CLEC12A: variants seen among roughly 807,000 people sequenced by gnomAD.
CLEC12A encodes the protein C-type lectin domain family 12 member A.
A neutral mutation model predicts 26.5 loss-of-function variants in CLEC12A; 22 were observed. The observed-to-expected ratio is 0.83, with a 90% CI of 0.59 to 1.19. CLEC12A has a LOEUF of 1.19. CLEC12A is among the 50% of genes most tolerant of loss of function. The probability of loss-of-function intolerance (pLI) is 0.00; values close to 1 mark genes in which losing one functional copy is unlikely to be tolerated. For missense variants in CLEC12A, 353 were observed against 315.6 expected, an observed-to-expected ratio of 1.12 and a Z score of -0.90; for synonymous variants, 119 against 101.9, an observed-to-expected ratio of 1.17 and a Z score of -1.01.
At chr12:9,989,049 T>C (rs1029921364), downstream of CLEC12A, among the ~76,000 whole-genome samples, 2 of 152,142 alleles carry the variant, frequency 1.3e-5, no homozygotes, top group African/African-American at 4.8e-5. Flanking sequence ...AAGGATGAGT[T>C]CATGTCCTTT....
In CLEC12A at chr12:9,984,885, A is replaced by C. The variant is rs762646220; in HGVS notation, c.657A>C (p.Ala219=). The change falls in exon 6 of 6, where the codon GCA becomes GCC. Residue 219 remains alanine, a synonymous_variant. Coordinates refer to ENST00000304361, the MANE Select transcript of CLEC12A (RefSeq NM_138337.6). The part of the protein sequence containing the change: ...INSSAWVIRN[A]PDLNNMYCGY... Reference sequence around the variant, plus strand: ...TCTCTTTCAGGGTTATAAGAAACGCACCTGACTTAAATAACATGTATTGTG... The same window carrying C: ...TCTCTTTCAGGGTTATAAGAAACGCCCCTGACTTAAATAACATGTATTGTG... 1 of 1,531,064 alleles carries C rather than the reference A, an allele frequency of 6.5e-7. No individual in the cohort carries two copies. Among genetic ancestry groups the C allele is most frequent in the Non-Finnish European group, 8.8e-7 (1 of 1,138,576 alleles). 94.8% of individuals were successfully genotyped at this position (1,531,064 alleles called of 1,614,324 possible).
chr12:9,960,268 T>C (rs1863808202), intron 1 of CLEC12A, among the ~76,000 whole-genome samples: 1 of 152,168 alleles, frequency 6.6e-6, no homozygotes, highest in South Asian at 2.1e-4. Context: ...TAAGAAACTG[T>C]AAAAGGAATA....
At chr12:9,980,291 A>G (rs939151531) in intron 3 of CLEC12A, among the ~76,000 whole-genome samples, 3 of 151,820 alleles carry the variant, frequency 2.0e-5, no homozygotes, top group African/African-American at 7.3e-5. Flanking sequence ...TTCCCCTTCG[A>G]TGTAAAAAAA....
the CLEC12A span, among the ~76,000 whole-genome samples, chr12:10,002,004 C>T: frequency 6.6e-6 from 1 of 151,806 alleles, no homozygotes; most frequent in Non-Finnish European, 1.5e-5. Flanking sequence ...CTCAGCCTCC[C>T]GAGTAGCTGG....
chr12:9,969,312 G>T (rs575533636), upstream of CLEC12A, among the ~76,000 whole-genome samples: 49 of 152,066 alleles, frequency 3.2e-4, no homozygotes, highest in Non-Finnish European at 6.6e-4. Context: ...ACCCTGATTT[G>T]GTCATTACAC....
chr12:10,001,765 C>T, the CLEC12A span, among the ~76,000 whole-genome samples: 8 of 152,170 alleles, frequency 5.3e-5, no homozygotes, highest in African/African-American at 1.9e-4. Context: ...TTTAATCACC[C>T]TCCAAGTCCC....
chr12:9,979,605 C>T (rs1864472764), intron 3 of CLEC12A, 81 bp downstream of exon 3: 2 of 1,058,080 alleles, frequency 1.9e-6, no homozygotes, highest in East Asian at 2.6e-5. Flanking sequence ...TTATAATTAG[C>T]TAGCAGCCTT....
intron 4 of CLEC12A, chr12:9,993,254 C>T (rs1196973134): frequency 1.2e-6 from 2 of 1,612,846 alleles, no homozygotes; most frequent in South Asian, 2.2e-5. Flanking sequence ...AAGCACAATT[C>T]ATATTTCCTT....
At chr12:9,992,979 T>G (rs1864926301) in intron 4 of CLEC12A, 3 of 624,504 alleles carry the variant, frequency 4.8e-6, no homozygotes, top group Non-Finnish European at 8.3e-6. Flanking sequence ...CTTCTGTATA[T>G]TCAAAGAAGG....
chr12:9,966,577 G>T (rs934286403), upstream of CLEC12A, among the ~76,000 whole-genome samples: 3 of 152,110 alleles, frequency 2.0e-5, no homozygotes, highest in African/African-American at 7.2e-5. Flanking sequence ...GGCCACTGTG[G>T]TTTAGGCGTT....
chr12:9,954,232 A>T (rs1354944621), intron 1 of CLEC12A, among the ~76,000 whole-genome samples: 1 of 148,896 alleles, frequency 6.7e-6, no homozygotes, highest in African/African-American at 2.5e-5. Context: ...AAAAAAAAAA[A>T]ATCAAACTGT....
At chr12:9,981,242 C>T (rs544040406) in intron 4 of CLEC12A, among the ~76,000 whole-genome samples, 3 of 152,166 alleles carry the variant, frequency 2.0e-5, no homozygotes, top group Non-Finnish European at 4.4e-5. Flanking sequence ...ATATATTGTA[C>T]TGAGTCCTTG....
chr12:9,974,327 T>C (rs1864248100), intron 1 of CLEC12A, among the ~76,000 whole-genome samples: 1 of 152,188 alleles, frequency 6.6e-6, no homozygotes, highest in Non-Finnish European at 1.5e-5. Flanking sequence ...TCTGAAGCCC[T>C]GTCCTGGGTC....
At chr12:9,962,665 T>C (rs1237418143) in intron 1 of CLEC12A, among the ~76,000 whole-genome samples, 1 of 152,120 alleles carries the variant, frequency 6.6e-6, no homozygotes, top group African/African-American at 2.4e-5. Context: ...GGGGGAGCTT[T>C]TGAGCCAGGA....
At chr12:9,961,959 A>C (rs1441808671) in intron 1 of CLEC12A, among the ~76,000 whole-genome samples, 1 of 152,160 alleles carries the variant, frequency 6.6e-6, no homozygotes, top group East Asian at 1.9e-4. Context: ...AGAATAGGCA[A>C]AAGATTTAAA....
intron 1 of CLEC12A, among the ~76,000 whole-genome samples, chr12:9,962,464 C>G (rs1415425042): frequency 6.6e-6 from 1 of 152,068 alleles, no homozygotes; most frequent in Non-Finnish European, 1.5e-5. Context: ...AAGAGACCAC[C>G]AAACAGGCTT....
At chr12:9,958,071 G>A (rs575576751) in intron 1 of CLEC12A, among the ~76,000 whole-genome samples, 1 of 152,342 alleles carries the variant, frequency 6.6e-6, no homozygotes, top group African/African-American at 2.4e-5. Context: ...TTCCTGGAAG[G>A]TAGTCAATGT....
In CLEC12A at chr12:9,979,469, C is replaced by A. The variant is rs370734193; in HGVS notation, c.324C>A (p.Thr108=). 9.3e-6 allele frequency: 15 copies of A among 1,613,306 alleles called. No individual in the cohort carries two copies. Among genetic ancestry groups the A allele is most frequent in the Non-Finnish European group, 1.2e-5 (14 of 1,179,666 alleles). ...CCAACAAGATCAGGAACCTCTCCAC[C>A]ACACTGCAAACAATAGCCACCAAAT... ...NISNKIRNLS[T]TLQTIATKLC... is the part of the protein sequence containing the mutation. Residue 108 remains threonine, a synonymous_variant, in exon 3 of 6, where the codon ACC becomes ACA. Coordinates refer to ENST00000304361, the MANE Select transcript of CLEC12A (RefSeq NM_138337.6).
upstream of CLEC12A, among the ~76,000 whole-genome samples, chr12:9,968,242 C>A (rs1410019015): frequency 6.6e-6 from 1 of 152,118 alleles, no homozygotes; most frequent in Admixed American, 6.5e-5. Context: ...CAAGGGAGGT[C>A]CCCTGATCCG....
Sources: allele counts gnomAD v4.1 joint callset (sites outside exome capture counted in the v4.1 genomes callset), GRCh38; gene constraint gnomAD v4.1.1; transcripts MANE v1.5; gene names NCBI Gene and HGNC (gene_info 2026-07-23, HGNC 2026-07-21).